PKIA: variants seen among roughly 807,000 people sequenced by gnomAD.
PKIA encodes the protein cAMP-dependent protein kinase inhibitor alpha.
A neutral mutation model predicts 7.6 loss-of-function variants in PKIA; 4 were observed. That is an observed-to-expected ratio of 0.52 (90% CI 0.26 to 1.20). The LOEUF is 1.20. Ranked by LOEUF, PKIA falls within the 50% of genes most tolerant of loss-of-function variation. The probability of loss-of-function intolerance (pLI) is 0.13; values close to 1 mark genes in which losing one functional copy is unlikely to be tolerated. For missense variants in PKIA, 73 were observed against 86.2 expected (o/e 0.85, Z 0.61); for synonymous variants, 21 against 30.7 (o/e 0.68, Z 1.04).
At chr8:78,579,651 T>C (rs548448320) in intron 2 of PKIA, among the ~76,000 whole-genome samples, 12 of 152,190 alleles carry the variant, frequency 7.9e-5, no homozygotes, top group Admixed American at 2.6e-4. Context: ...CGTTTAGCAA[T>C]GAGCAAGTTT....
intron 1 of PKIA, among the ~76,000 whole-genome samples, chr8:78,548,403 T>C (rs1162722234): frequency 6.6e-6 from 1 of 152,268 alleles, no homozygotes; most frequent in East Asian, 1.9e-4. Flanking sequence ...CTTAGTAATG[T>C]GGAGTTAATA....
chr8:78,580,996 G>T (rs1286773604), intron 2 of PKIA, among the ~76,000 whole-genome samples: 2 of 151,970 alleles, frequency 1.3e-5, no homozygotes, highest in East Asian at 3.9e-4. Context: ...AAATCCCGTA[G>T]CTCAGTCTAT....
intron 1 of PKIA, among the ~76,000 whole-genome samples, chr8:78,554,477 A>AC (rs35603221): frequency 0.25 from 37,245 of 151,830 alleles, 5,400 homozygotes; most frequent in African/African-American, 0.41. Flanking sequence ...AGGGCAAGCT[A>AC]AGAAATTGTT....
chr8:78,587,106 A>T (rs1451530466), intron 2 of PKIA, among the ~76,000 whole-genome samples: 1 of 152,144 alleles, frequency 6.6e-6, no homozygotes, highest in Non-Finnish European at 1.5e-5. Flanking sequence ...AAAGATGAAA[A>T]AGTTAATATG....
chr8:78,584,792 T>A (rs1218724753), intron 2 of PKIA, among the ~76,000 whole-genome samples: 3 of 152,128 alleles, frequency 2.0e-5, no homozygotes, highest in Non-Finnish European at 4.4e-5. Flanking sequence ...AAAATATAAA[T>A]CTCGAGTAGT....
At chr8:78,562,908 A>G (rs1475794311) in intron 1 of PKIA, among the ~76,000 whole-genome samples, 1 of 152,060 alleles carries the variant, frequency 6.6e-6, no homozygotes, top group Non-Finnish European at 1.5e-5. Context: ...ATGAATGAAT[A>G]TGTGAAGGAA....
At chr8:78,525,739 A>T (rs1442044131) in intron 1 of PKIA, among the ~76,000 whole-genome samples, 1 of 152,032 alleles carries the variant, frequency 6.6e-6, no homozygotes, top group African/African-American at 2.4e-5. Flanking sequence ...AAAAAGCTCT[A>T]ACCATTATCA....
chr8:78,585,086 ATT>A (rs1302977128), intron 2 of PKIA, among the ~76,000 whole-genome samples: 1 of 151,978 alleles, frequency 6.6e-6, no homozygotes, highest in Admixed American at 6.6e-5. Flanking sequence ...AAATACACAT[ATT>A]GTTTATCTTG....
chr8:78,575,318 C>G (rs943384016), intron 2 of PKIA, among the ~76,000 whole-genome samples: 2 of 151,770 alleles, frequency 1.3e-5, no homozygotes, highest in African/African-American at 4.8e-5. Context: ...TATTAACATT[C>G]ATTTAATTTT....
At position 78,598,099 on chromosome 8, in the gene PKIA, T is replaced by G. The variant is rs1302719389; in HGVS notation, c.-27-259T>G. On this transcript the variant is annotated intron_variant, in intron 2 of 3. Transcript: ENST00000396418. Reference sequence around the variant, plus strand: ...ATTAATTATTAATAATAATTAATATTATTACATTTAATATTAATATATTAA... The same window carrying G: ...ATTAATTATTAATAATAATTAATATGATTACATTTAATATTAATATATTAA... 2.0e-5 allele frequency among the ~76,000 whole-genome samples: 3 copies of G among 148,190 alleles called. No homozygotes were observed. In the East Asian group the frequency reaches 5.9e-4, roughly 29 times the overall value.
chr8:78,588,355 C>A (rs1390155963), intron 2 of PKIA, among the ~76,000 whole-genome samples: 2 of 152,090 alleles, frequency 1.3e-5, no homozygotes, highest in African/African-American at 4.8e-5. Flanking sequence ...TGGCGCATGC[C>A]TGTAATCCCA....
chr8:78,550,064 G>T (rs925069189), intron 1 of PKIA, among the ~76,000 whole-genome samples: 5 of 151,980 alleles, frequency 3.3e-5, no homozygotes, highest in African/African-American at 1.2e-4. Context: ...TTCTATTAAA[G>T]AACAGAATTA....
rs76231793 is a variant in PKIA at position 78,551,939 on chromosome 8, T to A, written c.-156-20872T>A. Among the ~76,000 whole-genome samples, 28 of 152,116 alleles carry A rather than the reference T, an allele frequency of 1.8e-4. 1 individual carries two copies. In the East Asian group the frequency reaches 5.4e-3, roughly 29 times the overall value. ...TGAGAATGCTGTTTAACTCCTATTA[T>A]GTGCTGGAGAGGTATTGATAGTTCC... On this transcript the variant is annotated intron_variant, in intron 1 of 3. Coordinates refer to ENST00000396418, the MANE Select transcript of PKIA (RefSeq NM_006823.4).
At chr8:78,597,974 C>T (rs1012886520) in intron 2 of PKIA, among the ~76,000 whole-genome samples, 22 of 151,572 alleles carry the variant, frequency 1.5e-4, no homozygotes, top group African/African-American at 1.9e-4. Context: ...AAACACTGCA[C>T]GTTCTCACGT....
chr8:78,601,835 C>G lies in PKIA; in HGVS notation c.*14C>G, dbSNP rs1808356554. On this transcript the variant is annotated 3_prime_UTR_variant, in exon 4 of 4. Coordinates refer to ENST00000396418, the MANE Select transcript of PKIA (RefSeq NM_006823.4). The stretch of plus-strand genomic sequence containing the variant: ...TCTGAAAGCTAACACCCCACTTTGA[C>G]CCTCGACCACACCTGAAAATGTCTC... The G allele has an allele frequency of 1.9e-6, 3 of 1,581,406 alleles. No homozygotes were observed. Among genetic ancestry groups the G allele is most frequent in the Non-Finnish European group, 2.6e-6 (3 of 1,151,388 alleles).
chr8:78,586,456 C>T (rs1263571280), intron 2 of PKIA, among the ~76,000 whole-genome samples: 1 of 151,984 alleles, frequency 6.6e-6, no homozygotes, highest in Non-Finnish European at 1.5e-5. Flanking sequence ...TGTGCTTTTA[C>T]TATCACAAGG....
intron 1 of PKIA, among the ~76,000 whole-genome samples, chr8:78,525,144 C>T (rs1314850970): frequency 6.6e-6 from 1 of 151,566 alleles, no homozygotes; most frequent in East Asian, 1.9e-4. Context: ...CAGTTCAAGA[C>T]ACTTAACCAT....
chr8:78,570,200 T>C (rs1050695777), intron 1 of PKIA, among the ~76,000 whole-genome samples: 16 of 151,950 alleles, frequency 1.1e-4, no homozygotes, highest in African/African-American at 3.9e-4. Context: ...AAAACTCAAA[T>C]AGGGTAGACA....
intron 2 of PKIA, among the ~76,000 whole-genome samples, chr8:78,578,122 A>G (rs1402863220): frequency 1.3e-5 from 2 of 152,018 alleles, no homozygotes; most frequent in Admixed American, 6.6e-5. Context: ...AAAGTAATAA[A>G]TAATACTCAG....
Sources: gnomAD v4.1 joint callset for allele counts (sites outside exome capture counted in the v4.1 genomes callset) on GRCh38, gnomAD v4.1.1 for gene constraint, MANE v1.5 for transcripts, NCBI Gene and HGNC (gene_info 2026-07-23, HGNC 2026-07-21) for gene names.